Variants in AP1G1 observed in about 807,000 individuals in gnomAD.
The protein encoded by AP1G1 is AP-1 complex subunit gamma-1.
AP1G1 carries 7 observed loss-of-function variants against 108.3 expected under a neutral mutation model. The ratio of observed to expected loss-of-function variants is 0.06; its 90% CI spans 0.04 to 0.12. The LOEUF (loss-of-function observed/expected upper bound fraction) is 0.12, where lower values mean the gene tolerates loss of function less well. Ranked by LOEUF, AP1G1 falls within the 10% of genes least tolerant of loss-of-function variation. AP1G1 has a pLI of 1.00. For missense variants in AP1G1, 756 were observed against 1,010.7 expected, an observed-to-expected ratio of 0.75 and a Z score of 3.42; for synonymous variants, 379 against 353.5, an observed-to-expected ratio of 1.07 and a Z score of -0.81.
intron 13 of AP1G1, chr16:71,751,476 A>C (rs979319130): frequency 1.3e-5 from 2 of 151,878 alleles, no homozygotes; most frequent in Non-Finnish European, 2.9e-5. Flanking sequence ...AAAAAGAAAA[A>C]AAAAAAAAAA....
At chr16:71,775,707 G>C (rs942992248) in intron 2 of AP1G1, among the ~76,000 whole-genome samples, 28 of 152,210 alleles carry the variant, frequency 1.8e-4, no homozygotes, top group African/African-American at 6.5e-4. Context: ...AATGTGGAAA[G>C]TATGTGAACC....
chr16:71,755,428 C>T (rs2030729946), intron 12 of AP1G1, among the ~76,000 whole-genome samples: 1 of 151,784 alleles, frequency 6.6e-6, no homozygotes, highest in Non-Finnish European at 1.5e-5. Context: ...CAAAGTGAGA[C>T]CCTGTCTCAA....
At chr16:71,778,091 A>G (rs1230161660) in intron 2 of AP1G1, among the ~76,000 whole-genome samples, 1 of 152,370 alleles carries the variant, frequency 6.6e-6, no homozygotes, top group East Asian at 1.9e-4. Context: ...ACAGAGAAGA[A>G]GTGGAAAAAC....
At chr16:71,768,500 C>CAAGAAAAAAA (rs1555554278) in intron 6 of AP1G1, among the ~76,000 whole-genome samples, 1 of 83,734 alleles carries the variant, frequency 1.2e-5, no homozygotes, top group Non-Finnish European at 2.1e-5. Context: ...GACTCCGCCA[C>CAAGAAAAAAA]AAAAAAAAAA....
intron 21 of AP1G1, among the ~76,000 whole-genome samples, chr16:71,738,049 CTTTGTT>C (rs1174055074): frequency 6.6e-6 from 1 of 152,072 alleles, no homozygotes; most frequent in Non-Finnish European, 1.5e-5. Context: ...ATTTAGAACT[CTTTGTT>C]TGTTTGTTTT....
chr16:71,769,362 A>G (rs1297632757), intron 6 of AP1G1, among the ~76,000 whole-genome samples: 1 of 152,196 alleles, frequency 6.6e-6, no homozygotes, highest in Non-Finnish European at 1.5e-5. Flanking sequence ...ATGTGAAAAC[A>G]GTAGATAAAA....
chr16:71,745,977 T>C (rs905702669), intron 17 of AP1G1, among the ~76,000 whole-genome samples: 7 of 152,088 alleles, frequency 4.6e-5, no homozygotes, highest in African/African-American at 1.7e-4. Context: ...TAAAAGAATT[T>C]GAATGAGATT....
intron 15 of AP1G1, among the ~76,000 whole-genome samples, chr16:71,749,608 A>T (rs1194483121): frequency 1.3e-5 from 2 of 152,082 alleles, no homozygotes; most frequent in Non-Finnish European, 2.9e-5. Flanking sequence ...TTTTTGAGAC[A>T]GGGTCTCACT....
rs185097256 is a variant in AP1G1 at position 71,756,714 on chromosome 16, G to A, written c.1089-555C>T. Reference sequence around the variant, plus strand: ...CTCACCACTTTGGGAGGCCAAGGCAGGCGAATCACCTGAGGTCAGGAGTTT... The same window carrying A: ...CTCACCACTTTGGGAGGCCAAGGCAAGCGAATCACCTGAGGTCAGGAGTTT... On this transcript the variant is annotated intron_variant, in intron 11 of 22. Coordinates refer to ENST00000299980, the MANE Select transcript of AP1G1 (RefSeq NM_001128.6). Among the ~76,000 whole-genome samples the A allele has an allele frequency of 2.4e-3, 369 of 152,254 alleles. 1 individual carries two copies. Among genetic ancestry groups the A allele is most frequent in the Middle Eastern group, 0.024 (7 of 294 alleles).
chr16:71,729,914 A>C lies in AP1G1; in HGVS notation c.*3144T>G, dbSNP rs577708252. 3.3e-5 allele frequency: 5 copies of C among 152,616 alleles called. No individual in the cohort carries two copies. Among genetic ancestry groups the C allele is most frequent in the Non-Finnish European group, 7.3e-5 (5 of 68,034 alleles). The allele number at this position is 152,616 out of a possible 1,614,324, so 9.5% of individuals were successfully genotyped here. Reference sequence around the variant, plus strand: ...TATTTTCCAATGCAGAAGATAATGAAGTTGAACCTTGAAAGCAGTACTCCC... The same window carrying C: ...TATTTTCCAATGCAGAAGATAATGACGTTGAACCTTGAAAGCAGTACTCCC... On this transcript the variant is annotated 3_prime_UTR_variant, in exon 23 of 23. Coordinates refer to ENST00000299980, the MANE Select transcript of AP1G1 (RefSeq NM_001128.6).
Position 71,734,617 on chromosome 16 carries a change from G to A in AP1G1, c.2359C>T (p.Pro787Ser), listed in dbSNP as rs762045308. Residue 787 changes from proline (P) to serine (S), a missense_variant, in exon 22 of 23, where the codon CCT becomes TCT. Around this residue, in one of 3 missense-constraint regions of AP1G1, gnomAD observed 95 missense variants for 160.5 expected, o/e 0.59. Coordinates refer to ENST00000299980, the MANE Select transcript of AP1G1 (RefSeq NM_001128.6). ...TITQVIKVLN[P>S]QKQQLRMRIK... is the part of the protein sequence containing the mutation. ...ACAAATGTGCTACTCACCTTCTGAGGGTTCAGAACTTTAATGACTTGTGTG... is the reference window on the plus strand; with the variant it reads ...ACAAATGTGCTACTCACCTTCTGAGAGTTCAGAACTTTAATGACTTGTGTG... 3 of 1,609,088 alleles carry A rather than the reference G, an allele frequency of 1.9e-6. No homozygotes were observed. Among genetic ancestry groups the A allele is most frequent in the Non-Finnish European group, 2.6e-6 (3 of 1,175,418 alleles).
At chr16:71,749,141 G>A (rs1460948626) in intron 15 of AP1G1, among the ~76,000 whole-genome samples, 1 of 152,002 alleles carries the variant, frequency 6.6e-6, no homozygotes, top group Admixed American at 6.5e-5. Context: ...TAACCACCCT[G>A]CAGGTGACCT....
At chr16:71,768,791 T>C (rs914480765) in intron 6 of AP1G1, among the ~76,000 whole-genome samples, 1 of 150,268 alleles carries the variant, frequency 6.7e-6, no homozygotes, top group African/African-American at 2.4e-5. Flanking sequence ...GCCAGGCACC[T>C]GCAGTCCCAG....
intron 12 of AP1G1, among the ~76,000 whole-genome samples, 200 bp from the exon 13 acceptor site, chr16:71,754,087 A>G (rs549980544): frequency 2.6e-4 from 39 of 152,114 alleles, no homozygotes; most frequent in Admixed American, 2.1e-3. Context: ...AAAAATACAA[A>G]AATTAGCTGG....
chr16:71,803,499 C>A (rs537817656), intron 1 of AP1G1, among the ~76,000 whole-genome samples: 1 of 152,264 alleles, frequency 6.6e-6, no homozygotes, highest in South Asian at 2.1e-4. Flanking sequence ...TGACTCAACA[C>A]ATTTGGCAAG....
chr16:71,747,809 C>G (rs1286384911), intron 16 of AP1G1, among the ~76,000 whole-genome samples: 9 of 151,986 alleles, frequency 5.9e-5, no homozygotes, highest in Non-Finnish European at 1.3e-4. Flanking sequence ...AAACGAAACA[C>G]TTTCTCTACA....
chr16:71,807,098 C>T (rs954533536), intron 1 of AP1G1, among the ~76,000 whole-genome samples: 1 of 152,210 alleles, frequency 6.6e-6, no homozygotes, highest in African/African-American at 2.4e-5. Flanking sequence ...ACTCGCCTAA[C>T]TTGAAACGTA....
At chr16:71,777,965 C>T (rs541929747) in intron 2 of AP1G1, 28 of 177,620 alleles carry the variant, frequency 1.6e-4, no homozygotes, top group Non-Finnish European at 3.0e-4. Context: ...GTTGCTCAGT[C>T]GGGTCAAGTT....
In AP1G1 at chr16:71,749,144, G is replaced by A. The variant is rs543368956; in HGVS notation, c.1497+750C>T. Reference sequence around the variant, plus strand: ...GGATGGTCTGGCTAACCACCCTGCAGGTGACCTCATGATCCACCCGCCTTG... The same window carrying A: ...GGATGGTCTGGCTAACCACCCTGCAAGTGACCTCATGATCCACCCGCCTTG... On this transcript the variant is annotated intron_variant, in intron 15 of 22. Transcript: ENST00000299980. 2.0e-5 allele frequency among the ~76,000 whole-genome samples: 3 copies of A among 152,096 alleles called. No homozygotes were observed. In the South Asian group the frequency reaches 6.2e-4, roughly 32 times the overall value.
Sources: gnomAD v4.1 joint callset for allele counts (sites outside exome capture counted in the v4.1 genomes callset) on GRCh38, gnomAD v4.1.1 for gene constraint, gnomAD v4.1.1 regional missense constraint, MANE v1.5 for transcripts, NCBI Gene and HGNC (gene_info 2026-07-23, HGNC 2026-07-21) for gene names.